Variants in XRN1 observed in about 807,000 individuals in gnomAD.
XRN1 encodes the protein 5'-3' exoribonuclease 1.
In XRN1, 67 loss-of-function variants were observed where a neutral mutation model predicts 222.3. The observed-to-expected ratio is 0.30, with a 90% CI of 0.25 to 0.37. The LOEUF is 0.37. XRN1 is among the 10% of genes least tolerant of loss of function. The pLI is 1.00. For missense variants in XRN1, 1,707 were observed against 2,000.2 expected (o/e 0.85, Z 2.80); for synonymous variants, 643 against 652.4 (o/e 0.99, Z 0.22).
intron 29 of XRN1, among the ~76,000 whole-genome samples, chr3:142,363,117 G>A (rs999640141): frequency 3.3e-5 from 5 of 151,984 alleles, no homozygotes; most frequent in African/African-American, 9.7e-5. Context: ...TTAAGATATC[G>A]TTACCGAATT....
chr3:142,313,273 C>A, intron 39 of XRN1: 1 of 1,318,314 alleles, frequency 7.6e-7, no homozygotes, highest in African/African-American at 1.5e-5. Flanking sequence ...GAAGTCAAGG[C>A]CTTTTTTCAC....
Position 142,311,405 on chromosome 3 carries a change from C to T in XRN1, c.*106G>A. The stretch of plus-strand genomic sequence containing the variant: ...AAAATGAAAAAAATTTCAATTTACA[C>T]ATATTATTTTAAAATAGTACATTCT... On this transcript the variant is annotated 3_prime_UTR_variant, in exon 41 of 41. Transcript: ENST00000392981. 1 of 1,087,864 alleles carries T rather than the reference C, an allele frequency of 9.2e-7. No homozygotes were observed. Among genetic ancestry groups the T allele is most frequent in the Non-Finnish European group, 1.3e-6 (1 of 793,662 alleles). 67.4% of individuals were successfully genotyped at this position (1,087,864 alleles called of 1,614,324 possible).
chr3:142,391,459 T>G (rs969888540), intron 20 of XRN1, among the ~76,000 whole-genome samples: 7 of 152,152 alleles, frequency 4.6e-5, no homozygotes, highest in African/African-American at 1.7e-4. Flanking sequence ...CCAGACTTGG[T>G]GGCTCACCCT....
chr3:142,423,724 C>T, intron 5 of XRN1, 82 bp from the exon 6 acceptor site: 2 of 1,040,140 alleles, frequency 1.9e-6, no homozygotes, highest in Non-Finnish European at 2.7e-6. Context: ...AAAAACAATT[C>T]TATACAAGGA....
In XRN1 at chr3:142,432,873, C is replaced by T. The variant is rs2069691380; in HGVS notation, c.96G>A (p.Leu32=). ...KEHQIPEFDN[L]YLDMNGIIHQ... ...GTATAATTCCATTCATATCCAGGTACAAGTTGTCAAATTCAGGAATCTGAA... is the reference window on the plus strand; with the variant it reads ...GTATAATTCCATTCATATCCAGGTATAAGTTGTCAAATTCAGGAATCTGAA... The change falls in exon 2 of 41, where the codon TTG becomes TTA. Residue 32 remains leucine, a synonymous_variant. Coordinates refer to ENST00000392981, the MANE Select transcript of XRN1 (RefSeq NM_001282857.2). 3.1e-6 allele frequency: 5 copies of T among 1,606,628 alleles called. No individual in the cohort carries two copies. The highest frequency in any genetic ancestry group is 2.7e-5 in the African/African-American group (2 of 74,668).
At chr3:142,354,470 A>G (rs926589619) in intron 32 of XRN1, among the ~76,000 whole-genome samples, 3 of 152,172 alleles carry the variant, frequency 2.0e-5, no homozygotes, top group Non-Finnish European at 2.9e-5. Context: ...AAAGACACAT[A>G]CCCACATATA....
At chr3:142,340,037 A>ATT (rs1198934842) in intron 33 of XRN1, among the ~76,000 whole-genome samples, 1 of 151,942 alleles carries the variant, frequency 6.6e-6, no homozygotes, top group Non-Finnish European at 1.5e-5. Flanking sequence ...CAGAAGAAAG[A>ATT]ATCAGTGAGC....
At chr3:142,431,963 AT>A in intron 2 of XRN1, among the ~76,000 whole-genome samples, 1 of 71,994 alleles carries the variant, frequency 1.4e-5, no homozygotes, top group African/African-American at 5.3e-5. Flanking sequence ...ATTATATATA[AT>A]ATAATATATT....
chr3:142,318,553 A>G (rs753310494), intron 39 of XRN1, 39 bp downstream of exon 39: 4 of 1,505,836 alleles, frequency 2.7e-6, no homozygotes, highest in Admixed American at 2.0e-5. Context: ...TAAAAATAAC[A>G]ACTCAATGAC....
rs2065046682 is a variant in XRN1, at chr3:142,310,138, A to G, written c.*1373T>C. 1 of 152,658 alleles carries G rather than the reference A, an allele frequency of 6.6e-6. No individual in the cohort carries two copies. The highest frequency in any genetic ancestry group is 1.5e-5 in the Non-Finnish European group (1 of 68,038). 9.5% of individuals were successfully genotyped at this position (152,658 alleles called of 1,614,324 possible). On this transcript the variant is annotated 3_prime_UTR_variant, in exon 41 of 41. Coordinates refer to ENST00000392981, the MANE Select transcript of XRN1 (RefSeq NM_001282857.2). ...AATCAGCAGTTAGTGAAAGGAGTCC[A>G]TTTAGTTTAATACCAGCATTTTAAA... is the stretch of plus-strand genomic sequence containing the variant.
intron 15 of XRN1, among the ~76,000 whole-genome samples, chr3:142,408,472 C>T (rs1184077836): frequency 6.6e-6 from 1 of 152,154 alleles, no homozygotes; most frequent in Non-Finnish European, 1.5e-5. Flanking sequence ...TGACTGCAAC[C>T]CATCCCATGA....
intron 33 of XRN1, among the ~76,000 whole-genome samples, chr3:142,343,354 T>C (rs1215577613): frequency 6.6e-6 from 1 of 151,870 alleles, no homozygotes; most frequent in African/African-American, 2.4e-5. Context: ...CTCAGGAGGC[T>C]GAGGCAGGAG....
At position 142,425,475 on chromosome 3, in the gene XRN1, G is replaced by A; in HGVS notation, c.470C>T (p.Thr157Ile). 6.2e-7 allele frequency: 1 copy of A among 1,613,470 alleles called. No homozygotes were observed. ...LKYFVNMKIS[T>I]DKSWQGVTIY... ...GGTAACTCCTTGCCATGACTTGTCT[G>A]TGGAAATTTTCATATTTACAAAATA... The change falls in exon 4 of 41, where the codon ACA (threonine) becomes ATA (isoleucine). Residue 157 changes from threonine (T) to isoleucine (I), a missense_variant. Around this residue, in one of 2 missense-constraint regions of XRN1, gnomAD observed 1,234 missense variants for 1,518.2 expected, o/e 0.81. Coordinates refer to ENST00000392981, the MANE Select transcript of XRN1 (RefSeq NM_001282857.2).
chr3:142,377,598 C>G lies in XRN1; in HGVS notation c.2716-1004G>C, dbSNP rs117612621. Among the ~76,000 whole-genome samples, 165 of 152,210 alleles carry G rather than the reference C, an allele frequency of 1.1e-3. 1 individual carries two copies. The South Asian group carries it at 0.024, about 22-fold the overall frequency. On this transcript the variant is annotated intron_variant, in intron 23 of 40. Coordinates refer to ENST00000392981, the MANE Select transcript of XRN1 (RefSeq NM_001282857.2). ...TTTTATTTAATACATAACTGTCCTG[C>G]CCAAATTGCCAACAGTACTCCTTTT...
chr3:142,435,175 C>CA (rs910177583), intron 1 of XRN1: 2 of 149,876 alleles, frequency 1.3e-5, no homozygotes, highest in African/African-American at 4.9e-5. Context: ...GAGGGCAGAT[C>CA]ACGAGGTCAG....
chr3:142,389,533 GCAGT>G (rs1220944188), intron 20 of XRN1, among the ~76,000 whole-genome samples: 29 of 152,146 alleles, frequency 1.9e-4, no homozygotes, highest in Admixed American at 1.9e-3. Flanking sequence ...ATCCATCAGA[GCAGT>G]CACTCAGAGT....
chr3:142,430,204 G>C (rs1013895589), intron 2 of XRN1, among the ~76,000 whole-genome samples: 1 of 152,044 alleles, frequency 6.6e-6, no homozygotes, highest in Non-Finnish European at 1.5e-5. Flanking sequence ...TATCCCTTAC[G>C]GCTCACCTAG....
At chr3:142,333,527 T>C (rs572090874) in intron 34 of XRN1, among the ~76,000 whole-genome samples, 55 of 152,308 alleles carry the variant, frequency 3.6e-4, no homozygotes, top group African/African-American at 1.3e-3. Flanking sequence ...TAATCTTCAT[T>C]AACCTCTCAA....
At chr3:142,328,884 C>T (rs914636656) in intron 37 of XRN1, among the ~76,000 whole-genome samples, 6 of 149,064 alleles carry the variant, frequency 4.0e-5, no homozygotes, top group African/African-American at 1.5e-4. Flanking sequence ...GCCTTGTGAG[C>T]AGCTGGGACT....
Sources: allele counts gnomAD v4.1 joint callset (sites outside exome capture counted in the v4.1 genomes callset), GRCh38; gene constraint gnomAD v4.1.1; regional missense constraint gnomAD v4.1.1; transcripts MANE v1.5; gene names NCBI Gene and HGNC (gene_info 2026-07-23, HGNC 2026-07-21).